The following SUN3 variants were observed in gnomAD, a reference collection of about 807,000 sequenced individuals.
SUN3 encodes SUN domain-containing protein 3.
Under a neutral mutation model 48.2 loss-of-function variants are expected in SUN3, and 36 were observed. The observed-to-expected ratio is 0.75, with a 90% CI of 0.57 to 0.99. The LOEUF (loss-of-function observed/expected upper bound fraction) is 0.99, where lower values mean the gene tolerates loss of function less well. Ranked by LOEUF, SUN3 falls within the 50% of genes least tolerant of loss-of-function variation. The pLI is 0.00. For missense variants in SUN3, 419 were observed against 433.1 expected (o/e 0.97, Z 0.29); for synonymous variants, 148 against 147.9 (o/e 1.00, Z 0.00).
intron 8 of SUN3, among the ~76,000 whole-genome samples, chr7:47,991,788 G>A (rs1008848229): frequency 3.9e-5 from 6 of 152,244 alleles, no homozygotes; most frequent in African/African-American, 1.4e-4. Context: ...GGGAGCGTGT[G>A]GGTGAAAGCG....
In SUN3 at chr7:47,994,376, A is replaced by G; in HGVS notation, c.800T>C (p.Ile267Thr). Residue 267 changes from isoleucine to threonine, a missense_variant, in exon 8 of 10, where the codon ATC (isoleucine) becomes ACC (threonine). Ile to Thr is a moderately conservative substitution (Grantham distance 89). Coordinates refer to ENST00000297325, the MANE Select transcript of SUN3 (RefSeq NM_001030019.2). Reference protein sequence around the residue: ...IIPTAVTMEHISEKVSPSGNI... With the variant: ...IIPTAVTMEHTSEKVSPSGNI... ...TCCTGACGGAGACACCTTCTCTGAG[A>G]TGTGCTCCATGGTAACAGCAGTTGG... The G allele has an allele frequency of 6.2e-7, 1 of 1,613,700 alleles. No individual in the cohort carries two copies. Among genetic ancestry groups the G allele is most frequent in the South Asian group, 1.1e-5 (1 of 90,972 alleles).
At chr7:48,019,569 A>C (rs963805303) in intron 2 of SUN3, among the ~76,000 whole-genome samples, 2 of 152,106 alleles carry the variant, frequency 1.3e-5, no homozygotes, top group African/African-American at 4.8e-5. Flanking sequence ...AAAAGAGAAG[A>C]TACAAATGAA....
At chr7:48,010,541 A>C (rs959071400) in intron 3 of SUN3, among the ~76,000 whole-genome samples, 30 of 152,222 alleles carry the variant, frequency 2.0e-4, no homozygotes, top group Non-Finnish European at 1.5e-5. Context: ...AGGAATGATC[A>C]AGTGTGAAAA....
upstream of SUN3, among the ~76,000 whole-genome samples, chr7:48,031,001 G>A (rs1185332961): frequency 1.3e-5 from 2 of 152,054 alleles, no homozygotes; most frequent in Admixed American, 1.3e-4. Flanking sequence ...ATAGATAAAA[G>A]ACTTAAACAT....
chr7:47,989,177 C>G (rs928124775), intron 8 of SUN3, among the ~76,000 whole-genome samples: 2 of 152,164 alleles, frequency 1.3e-5, no homozygotes, highest in African/African-American at 4.8e-5. Flanking sequence ...AGATGATTGA[C>G]AAACAGCTGA....
intron 8 of SUN3, chr7:47,989,105 G>A (rs780969392): frequency 1.3e-5 from 5 of 380,524 alleles, no homozygotes; most frequent in Admixed American, 1.3e-4. Context: ...TGGACACACA[G>A]ACAGATAGAT....
Position 48,028,895 on chromosome 7 carries a change from C to T in SUN3, c.44G>A (p.Arg15Lys), listed in dbSNP as rs2128785921. 7 of 1,613,976 alleles carry T rather than the reference C, an allele frequency of 4.3e-6. No individual in the cohort carries two copies. The highest frequency in any genetic ancestry group is 5.9e-6 in the Non-Finnish European group (7 of 1,179,866). ...TKARRAAMFF[R>K]RCSEDASGSA... ...ACCGCTGGCGTCTTCAGAGCAACGT[C>T]TAAAAAACATGGCAGCCCTTCTTGC... The change falls in exon 1 of 10, where the codon AGA becomes AAA. Residue 15 changes from arginine (R) to lysine (K), a missense_variant. By Grantham distance (26) the Arg-to-Lys change is conservative (BLOSUM62 2). Coordinates refer to ENST00000297325, the MANE Select transcript of SUN3 (RefSeq NM_001030019.2).
At chr7:47,998,475 G>A (rs1408114597) in intron 6 of SUN3, among the ~76,000 whole-genome samples, 2 of 151,994 alleles carry the variant, frequency 1.3e-5, no homozygotes, top group Non-Finnish European at 2.9e-5. Context: ...AATGTGTGTG[G>A]TTTCCAAATA....
intron 8 of SUN3, 73 bp downstream of exon 8, chr7:47,994,242 G>T: frequency 6.8e-7 from 1 of 1,462,614 alleles, no homozygotes; most frequent in South Asian, 1.2e-5. Flanking sequence ...CTAGTTCAGA[G>T]GACAGCCCCT....
intron 2 of SUN3, 95 bp from the exon 3 acceptor site, chr7:48,017,460 T>C: frequency 1.4e-6 from 1 of 719,194 alleles, no homozygotes; most frequent in Non-Finnish European, 2.4e-6. Context: ...ACATGAAGAA[T>C]ATGTATACTC....
At chr7:48,020,407 C>T (rs1314540484) in intron 2 of SUN3, among the ~76,000 whole-genome samples, 8 of 152,134 alleles carry the variant, frequency 5.3e-5, no homozygotes, top group Non-Finnish European at 8.8e-5. Context: ...ACCTGGAACA[C>T]GACAAGGTTG....
intron 8 of SUN3, chr7:47,990,887 G>A: frequency 2.7e-6 from 1 of 376,006 alleles, no homozygotes; most frequent in Non-Finnish European, 5.1e-6. Flanking sequence ...ACTTGTAAGT[G>A]GGAGCTAAAT....
At chr7:48,022,880 T>C (rs548797169) in intron 2 of SUN3, among the ~76,000 whole-genome samples, 26 of 152,010 alleles carry the variant, frequency 1.7e-4, no homozygotes, top group Non-Finnish European at 2.8e-4. Flanking sequence ...ATTTAAAGCG[T>C]TGAAAGAAAA....
In SUN3 at chr7:47,994,372, T is replaced by C. The variant is rs771191332; in HGVS notation, c.804A>G (p.Ser268=). 6.2e-7 allele frequency: 1 copy of C among 1,613,752 alleles called. No individual in the cohort carries two copies. The highest frequency in any genetic ancestry group is 1.1e-5 in the South Asian group (1 of 90,984). The change falls in exon 8 of 10, where the codon TCA becomes TCG. Residue 268 remains serine, a synonymous_variant. Coordinates refer to ENST00000297325, the MANE Select transcript of SUN3 (RefSeq NM_001030019.2). ...IPTAVTMEHI[S]EKVSPSGNIS... ...TGTTTCCTGACGGAGACACCTTCTC[T>C]GAGATGTGCTCCATGGTAACAGCAG...
At chr7:47,996,222 T>A in intron 6 of SUN3, 76 bp from the exon 7 acceptor site, 1 of 833,978 alleles carries the variant, frequency 1.2e-6, no homozygotes, top group South Asian at 1.8e-5. Flanking sequence ...ATTTTAACAA[T>A]GTCTCTAGAA....
At chr7:47,988,923 G>T in intron 8 of SUN3, 43 bp from the exon 9 acceptor site, 1 of 1,148,168 alleles carries the variant, frequency 8.7e-7, no homozygotes, top group Non-Finnish European at 1.3e-6. Context: ...ATGAATGGAT[G>T]CAGTTGTGTT....
rs566940466 is a variant in SUN3 at position 47,996,452 on chromosome 7, A to G, written c.578-306T>C. On this transcript the variant is annotated intron_variant, in intron 6 of 9. Coordinates refer to ENST00000297325, the MANE Select transcript of SUN3 (RefSeq NM_001030019.2). ...GATTCTGTATCACCTAAAAACGTAT[A>G]TAGATCTTTATATTTTAACAGCTCA... 4.6e-5 allele frequency among the ~76,000 whole-genome samples: 7 copies of G among 152,346 alleles called. 1 individual carries two copies. In the South Asian group the frequency reaches 1.4e-3, roughly 32 times the overall value.
intron 7 of SUN3, among the ~76,000 whole-genome samples, chr7:47,994,919 G>A (rs531134917): frequency 9.2e-5 from 14 of 152,162 alleles, no homozygotes; most frequent in Admixed American, 7.8e-4. Context: ...TAAAAAGGTG[G>A]TGGTAGAGGT....
chr7:48,009,327 G>A (rs1301355401), intron 3 of SUN3, among the ~76,000 whole-genome samples: 1 of 152,088 alleles, frequency 6.6e-6, no homozygotes, highest in Non-Finnish European at 1.5e-5. Flanking sequence ...CTCTTGGATG[G>A]GCACATCATT....
Sources: gnomAD v4.1 joint callset for allele counts (sites outside exome capture counted in the v4.1 genomes callset) on GRCh38, gnomAD v4.1.1 for gene constraint, MANE v1.5 for transcripts, NCBI Gene and HGNC (gene_info 2026-07-23, HGNC 2026-07-21) for gene names.